The following KANK2 variants were observed in gnomAD, a reference collection of about 807,000 sequenced individuals.
The protein encoded by KANK2 is KN motif and ankyrin repeat domains 2.
KANK2 carries 41 observed loss-of-function variants against 74.6 expected under a neutral mutation model. The observed-to-expected ratio is 0.55, with a 90% confidence interval of 0.43 to 0.71. The LOEUF (loss-of-function observed/expected upper bound fraction) is 0.71. Among genes scored for constraint, KANK2 ranks in the 30% least tolerant of loss-of-function variants. KANK2 has a pLI of 0.00. For synonymous variants in KANK2, 537 were observed against 519.0 expected (o/e 1.03, Z -0.47); for missense variants, 1,148 against 1,196.4 (o/e 0.96, Z 0.60).
Position 11,174,523 on chromosome 19 carries a change from T to C in KANK2, c.2018A>G (p.Tyr673Cys). 6.2e-7 allele frequency: 1 copy of C among 1,613,370 alleles called. No individual in the cohort carries two copies. Among genetic ancestry groups the C allele is most frequent in the Non-Finnish European group, 8.5e-7 (1 of 1,179,782 alleles). The stretch of plus-strand genomic sequence containing the variant: ...GGGGAAGTTGGCATGAGACACGGAG[T>C]AGTGCAGGGCTGTGTTGCCGTTGCT... ...ADSNGNTALH[Y>C]SVSHANFPVV... Residue 673 changes from tyrosine (Y) to cysteine (C), a missense_variant, in exon 9 of 13, where the codon TAC (tyrosine) becomes TGC (cysteine). Physicochemically the swap from Tyr to Cys is radical, Grantham distance 194. Transcript: ENST00000586659.
chr19:11,187,122 A>G (rs1319397851), intron 4 of KANK2, among the ~76,000 whole-genome samples: 1 of 150,332 alleles, frequency 6.7e-6, no homozygotes, highest in Non-Finnish European at 1.5e-5. Context: ...CAGGCGTGGT[A>G]GCAGGGCATC....
intron 6 of KANK2, 23 bp from the exon 7 acceptor site, chr19:11,176,840 G>A (rs373839082): frequency 4.0e-6 from 6 of 1,494,336 alleles, no homozygotes; most frequent in East Asian, 4.8e-5. Flanking sequence ...GAGCGGGGAG[G>A]GGGAGATGCT....
At position 11,176,628 on chromosome 19, in the gene KANK2, G is replaced by C; in HGVS notation, c.1710C>G (p.His570Gln). 6.2e-7 allele frequency: 1 copy of C among 1,612,864 alleles called. No homozygotes were observed. The highest frequency in any genetic ancestry group is 8.5e-7 in the Non-Finnish European group (1 of 1,179,448). ...CTGATGCCCCCTCAGCAGTGGGTAT[G>C]TGCTGAGATTCTCGAGACAGCTGAC... Reference protein sequence around the residue: ...QECQLSRESQHIPTAEGASGS... With the variant: ...QECQLSRESQQIPTAEGASGS... Residue 570 changes from histidine to glutamine, a missense_variant, in exon 7 of 13, where the codon CAC becomes CAG. His to Gln is a conservative substitution (Grantham distance 24). Coordinates refer to ENST00000586659, the MANE Select transcript of KANK2 (RefSeq NM_001136191.3).
chr19:11,183,696 G>A (rs546558357), intron 4 of KANK2, among the ~76,000 whole-genome samples: 10 of 151,770 alleles, frequency 6.6e-5, no homozygotes, highest in Admixed American at 6.6e-4. Context: ...GTCACCCCAG[G>A]CTGAAGTGGA....
chr19:11,178,449 T>C lies in KANK2; in HGVS notation c.1418-2A>G. The C allele has an allele frequency of 6.3e-7, 1 of 1,599,516 alleles. No individual in the cohort carries two copies. The highest frequency in any genetic ancestry group is 8.5e-7 in the Non-Finnish European group (1 of 1,174,536). ...ATCGCACGCCTGCCGGGGGCCCGCC[T>C]GGAGGGGAGGACAGCGGAGGTGCTG... On this transcript the variant is annotated splice_acceptor_variant, in intron 5 of 12. Transcript: ENST00000586659. LOFTEE classifies it high-confidence loss of function.
In KANK2 at chr19:11,174,566, C is replaced by T. The variant is rs566437001; in HGVS notation, c.1975G>A (p.Val659Met). ...RAMSARLLDY[V>M]VNIADSNGNT... ...CCGTTGCTGTCGGCGATGTTGACCA[C>T]GTAGTCCAGCAGCCGCGCAGACATG... The change falls in exon 9 of 13, where the codon GTG becomes ATG. Residue 659 changes from valine (V) to methionine (M), a missense_variant. Coordinates refer to ENST00000586659, the MANE Select transcript of KANK2 (RefSeq NM_001136191.3). 2.5e-5 allele frequency: 41 copies of T among 1,613,566 alleles called. No individual in the cohort carries two copies. The highest frequency in any genetic ancestry group is 8.8e-5 in the South Asian group (8 of 91,010).
rs2147380965 is a variant in KANK2 at position 11,170,168 on chromosome 19, A to G, written c.2292T>C (p.Asp764=). The part of the protein sequence containing the change: ...VVKALLACEA[D]VNVQDDDGST... ...AGCCGTCATCATCTTGCACGTTGAC[A>G]TCTGCCTCACAGGCCAGCAGGGCTT... Residue 764 remains aspartate, a synonymous_variant, in exon 11 of 13, where the codon GAT becomes GAC. Coordinates refer to ENST00000586659, the MANE Select transcript of KANK2 (RefSeq NM_001136191.3). This position sits in a 1 kb window ranked among gnomAD's most constrained non-coding sequence, Gnocchi z 5.2. 6.2e-7 allele frequency: 1 copy of G among 1,612,272 alleles called. No individual in the cohort carries two copies. Among genetic ancestry groups the G allele is most frequent in the Non-Finnish European group, 8.5e-7 (1 of 1,180,026 alleles).
chr19:11,184,717 G>A (rs1260225414), intron 4 of KANK2, among the ~76,000 whole-genome samples: 1 of 126,644 alleles, frequency 7.9e-6, no homozygotes, highest in Non-Finnish European at 1.7e-5. Context: ...TTTTTTTAAT[G>A]TGAAAAAAAA....
intron 4 of KANK2, among the ~76,000 whole-genome samples, chr19:11,186,977 G>T (rs2078694468): frequency 6.6e-6 from 1 of 152,110 alleles, no homozygotes; most frequent in African/African-American, 2.4e-5. Flanking sequence ...GAAGAGGGTA[G>T]GTGGGTGGGG....
chr19:11,190,690 G>A (rs2078817075), intron 4 of KANK2, among the ~76,000 whole-genome samples: 1 of 152,086 alleles, frequency 6.6e-6, no homozygotes, highest in African/African-American at 2.4e-5. Flanking sequence ...GAGTTTGAAC[G>A]CACCTGGCAG....
chr19:11,188,787 GC>G lies in KANK2; in HGVS notation c.1249+4043del, dbSNP rs569605174. ...CCACAAGGTTAGGAGTTCAAGACCAGCCTGGCCAACATAGTGAAACCCCGTC... is the reference window on the plus strand; with the variant it reads ...CCACAAGGTTAGGAGTTCAAGACCAGCTGGCCAACATAGTGAAACCCCGTC... On this transcript the variant is annotated intron_variant, in intron 4 of 12. Coordinates refer to ENST00000586659, the MANE Select transcript of KANK2 (RefSeq NM_001136191.3). Among the ~76,000 whole-genome samples the G allele has an allele frequency of 5.9e-5, 9 of 151,978 alleles. No homozygotes were observed. In the South Asian group the frequency reaches 1.7e-3, roughly 28 times the overall value.
chr19:11,196,239 G>A (rs2079016159), intron 1 of KANK2: 1 of 152,200 alleles, frequency 6.6e-6, no homozygotes, highest in South Asian at 2.1e-4. Context: ...TGTATTTTTA[G>A]TAGAGATGGT....
chr19:11,189,931 G>T (rs566910730), intron 4 of KANK2, among the ~76,000 whole-genome samples: 30 of 152,258 alleles, frequency 2.0e-4, no homozygotes, highest in African/African-American at 6.7e-4. Flanking sequence ...GATAGACACA[G>T]AACAGGCGGG....
intron 3 of KANK2, 44 bp from the exon 4 acceptor site, chr19:11,194,086 C>T: frequency 6.5e-7 from 1 of 1,549,694 alleles, no homozygotes; most frequent in Non-Finnish European, 8.7e-7. Flanking sequence ...CCTCTTGTCC[C>T]CATTCTCAGG....
At position 11,166,473 on chromosome 19, in the gene KANK2, G is replaced by T; in HGVS notation, c.*85C>A. Reference sequence around the variant, plus strand: ...GGGCCTTGGGGAGTGTGAGTGGGGTGGGCCAGGGAGGAACGGGAACAGGGA... The same window carrying T: ...GGGCCTTGGGGAGTGTGAGTGGGGTTGGCCAGGGAGGAACGGGAACAGGGA... On this transcript the variant is annotated 3_prime_UTR_variant, in exon 13 of 13. Coordinates refer to ENST00000586659, the MANE Select transcript of KANK2 (RefSeq NM_001136191.3). 7.9e-7 allele frequency: 1 copy of T among 1,270,016 alleles called. No individual in the cohort carries two copies. Among genetic ancestry groups the T allele is most frequent in the Non-Finnish European group, 1.1e-6 (1 of 870,878 alleles). 78.7% of individuals were successfully genotyped at this position (1,270,016 alleles called of 1,614,324 possible). A position where few individuals can be genotyped will look rare whatever the true frequency, so the allele number is the denominator to read the frequency against.
intron 3 of KANK2, 149 bp downstream of exon 3, chr19:11,194,326 C>T: frequency 1.5e-6 from 1 of 683,398 alleles, no homozygotes; most frequent in Non-Finnish European, 2.5e-6. Context: ...TTCAGACCCT[C>T]CCAGGGCAGG....
Position 11,193,616 on chromosome 19 carries a change from G to A in KANK2, c.464C>T (p.Ser155Leu), listed in dbSNP as rs776553448. Reference protein sequence around the residue: ...LGSLTPSAAGSTASLVGVGLP... With the variant: ...LGSLTPSAAGLTASLVGVGLP... ...CCCCACGCCCACCAGGGAGGCTGTC[G>A]AGCCGGCCGCACTGGGGGTCAGGGA... Residue 155 changes from serine to leucine, a missense_variant, in exon 4 of 13, where the codon TCG becomes TTG. Transcript: ENST00000586659. The surrounding 1 kb of genome is among the most constrained non-coding windows in gnomAD (Gnocchi z 9.6). 21 of 1,586,106 alleles carry A rather than the reference G, an allele frequency of 1.3e-5. No individual in the cohort carries two copies. The highest frequency in any genetic ancestry group is 1.2e-4 in the Admixed American group (7 of 58,444).
chr19:11,187,213 C>T (rs1169018354), intron 4 of KANK2, among the ~76,000 whole-genome samples: 9 of 151,790 alleles, frequency 5.9e-5, no homozygotes, highest in Non-Finnish European at 8.8e-5. Context: ...GCTGAGATCA[C>T]GCCACTGCAC....
intron 4 of KANK2, among the ~76,000 whole-genome samples, chr19:11,182,239 CTA>C (rs1388142536): frequency 1.3e-5 from 2 of 151,758 alleles, no homozygotes; most frequent in Non-Finnish European, 1.5e-5. Flanking sequence ...TATGTTCTAT[CTA>C]TGTTACCACA....
Sources: gnomAD v4.1 joint callset for allele counts (sites outside exome capture counted in the v4.1 genomes callset) on GRCh38, gnomAD v4.1.1 for gene constraint, Gnocchi (gnomAD v3.1) non-coding constraint, MANE v1.5 for transcripts, NCBI Gene and HGNC (gene_info 2026-07-23, HGNC 2026-07-21) for gene names.